NAA20: variants seen among roughly 807,000 people sequenced by gnomAD.
The protein encoded by NAA20 is N-alpha-acetyltransferase 20, NatB catalytic subunit, also known as N-alpha-acetyltransferase 20.
A neutral mutation model predicts 23.8 loss-of-function variants in NAA20; 24 were observed. The observed-to-expected ratio is 1.01, with a 90% CI of 0.73 to 1.42. The LOEUF (loss-of-function observed/expected upper bound fraction) is 1.42. Ranked by LOEUF, NAA20 falls within the 40% of genes most tolerant of loss-of-function variation. The pLI is 0.00. For synonymous variants in NAA20, 83 were observed against 77.7 expected, an observed-to-expected ratio of 1.07 and a Z score of -0.36; for missense variants, 166 against 223.1, an observed-to-expected ratio of 0.74 and a Z score of 1.63.
chr20:20,025,771 A>G lies in NAA20; in HGVS notation c.169+4A>G, dbSNP rs534864101. On this transcript the variant is annotated splice_donor_region_variant and intron_variant, in intron 3 of 5. Transcript: ENST00000334982. ...GGTGGAGAATTAATGGGTTATAGTA[A>G]GTATAATACCACTAGTATTTTGTGG... 52 of 1,554,860 alleles carry G rather than the reference A, an allele frequency of 3.3e-5. No homozygotes were observed. The East Asian group carries it at 8.1e-4, about 24-fold the overall frequency.
In NAA20 at chr20:20,026,680, C is replaced by T. The variant is rs1019124329; in HGVS notation, c.170-104C>T. On this transcript the variant is annotated intron_variant, in intron 3 of 5. Coordinates refer to ENST00000334982, the MANE Select transcript of NAA20 (RefSeq NM_016100.5). ...GACCTCAGGTGGTACTTAAAAACTT[C>T]TTTATTAGTTTCCTTTGTAATAAAA... 1.4e-5 allele frequency: 21 copies of T among 1,456,690 alleles called. No individual in the cohort carries two copies. The Admixed American group carries it at 2.2e-4, about 15-fold the overall frequency. 90.2% of individuals were successfully genotyped at this position (1,456,690 alleles called of 1,614,324 possible).
intron 1 of NAA20, chr20:20,018,034 C>G (rs375983407): frequency 2.5e-6 from 4 of 1,614,082 alleles, no homozygotes; most frequent in Non-Finnish European, 3.4e-6. Flanking sequence ...GATGCTGTCT[C>G]AGTCATGGTT....
intron 4 of NAA20, among the ~76,000 whole-genome samples, chr20:20,029,656 C>T (rs139093091): frequency 2.2e-4 from 34 of 151,288 alleles, no homozygotes; most frequent in African/African-American, 7.5e-4. Flanking sequence ...ATGGTATATA[C>T]CAAGTGACAT....
intron 2 of NAA20, among the ~76,000 whole-genome samples, chr20:20,023,202 G>A (rs1448780118): frequency 2.6e-5 from 4 of 151,862 alleles, no homozygotes; most frequent in Non-Finnish European, 4.4e-5. Flanking sequence ...CAGGAGAATC[G>A]CTTGAACCAG....
chr20:20,017,899 G>A, intron 1 of NAA20: 1 of 1,598,704 alleles, frequency 6.3e-7, no homozygotes, highest in African/African-American at 1.3e-5. Context: ...GGCCGCAGAG[G>A]GGGCTTGCGA....
At chr20:20,022,989 G>T (rs1161370054) in intron 2 of NAA20, among the ~76,000 whole-genome samples, 1 of 152,160 alleles carries the variant, frequency 6.6e-6, no homozygotes, top group African/African-American at 2.4e-5. Context: ...AGAGGGGGAG[G>T]TGAGGGTGTT....
Position 20,032,489 on chromosome 20 carries a change from T to A in NAA20, c.306-19T>A, listed in dbSNP as rs748210665. The A allele has an allele frequency of 5.6e-6, 9 of 1,605,508 alleles. No homozygotes were observed. Among genetic ancestry groups the A allele is most frequent in the Middle Eastern group, 1.7e-4 (1 of 6,022 alleles). On this transcript the variant is annotated intron_variant, in intron 4 of 5. Coordinates refer to ENST00000334982, the MANE Select transcript of NAA20 (RefSeq NM_016100.5). ...TTTCTCACATTCTAACATTTTCCTT[T>A]TTTGTTTTTCTTTTAAAGAAAGGGT...
chr20:20,017,406 C>T lies in NAA20; in HGVS notation c.10C>T (p.Leu4=), dbSNP rs1359197296. 2.5e-6 allele frequency: 4 copies of T among 1,611,804 alleles called. No individual in the cohort carries two copies. In the African/African-American group the frequency reaches 4.0e-5, roughly 16 times the overall value. MTT[L]RAFTCDDLFR... is the part of the protein sequence containing the mutation. ...AAGCGGCGGCGGCGCGATGACCACGCTACGGGCCTTTACCTGCGACGACCT... is the reference window on the plus strand; with the variant it reads ...AAGCGGCGGCGGCGCGATGACCACGTTACGGGCCTTTACCTGCGACGACCT... Residue 4 remains leucine (L), a synonymous_variant, in exon 1 of 6, where the codon CTA becomes TTA. Transcript: ENST00000334982.
At chr20:20,017,725 G>C (rs1413151487) in intron 1 of NAA20, 2 of 1,430,252 alleles carry the variant, frequency 1.4e-6, no homozygotes, top group African/African-American at 2.9e-5. Flanking sequence ...CTGGGGCAGC[G>C]CTCGGGCCTC....
intron 1 of NAA20, 70 bp downstream of exon 1, chr20:20,017,519 C>G: frequency 6.5e-7 from 1 of 1,541,020 alleles, no homozygotes; most frequent in Non-Finnish European, 8.7e-7. Flanking sequence ...CAGCTCCGGC[C>G]CCAGCCGCGC....
Position 20,025,783 on chromosome 20 carries a change from C to T in NAA20, c.169+16C>T. On this transcript the variant is annotated intron_variant, in intron 3 of 5. Coordinates refer to ENST00000334982, the MANE Select transcript of NAA20 (RefSeq NM_016100.5). ...ATGGGTTATAGTAAGTATAATACCA[C>T]TAGTATTTTGTGGAGTAGGTAAAGA... 1 of 1,502,368 alleles carries T rather than the reference C, an allele frequency of 6.7e-7. No individual in the cohort carries two copies. The highest frequency in any genetic ancestry group is 9.3e-7 in the Non-Finnish European group (1 of 1,078,602). The allele number at this position is 1,502,368 out of a possible 1,614,324, so 93.1% of individuals were successfully genotyped here.
chr20:20,026,948 G>A (rs1215059848), intron 4 of NAA20, 29 bp downstream of exon 4: 1 of 1,613,516 alleles, frequency 6.2e-7, no homozygotes, highest in East Asian at 2.2e-5. Context: ...AATACACTTA[G>A]TGATTTGTGG....
At chr20:20,031,424 A>G (rs1347756229) in intron 4 of NAA20, among the ~76,000 whole-genome samples, 1 of 152,214 alleles carries the variant, frequency 6.6e-6, no homozygotes, top group African/African-American at 2.4e-5. Context: ...TCCATACACA[A>G]ATCAACTCCA....
chr20:20,026,165 C>T (rs1469309398), intron 3 of NAA20, among the ~76,000 whole-genome samples: 12 of 152,032 alleles, frequency 7.9e-5, no homozygotes, highest in African/African-American at 1.4e-4. Context: ...ATTAGCTGGG[C>T]GTGGTATCGC....
At chr20:20,029,881 T>TTTTTGTTTTGTTTTGTTTTG (rs144371833) in intron 4 of NAA20, among the ~76,000 whole-genome samples, 1 of 151,836 alleles carries the variant, frequency 6.6e-6, no homozygotes, top group African/African-American at 2.4e-5. Context: ...GTTACATAGT[T>TTTTTGTTTTGTTTTGTTTTG]TTTTGTTTTG....
At chr20:20,017,550 C>T in intron 1 of NAA20, 101 bp downstream of exon 1, 2 of 1,445,522 alleles carry the variant, frequency 1.4e-6, no homozygotes, top group South Asian at 2.8e-5. Flanking sequence ...GGACCCCAAG[C>T]CCGGACGGGG....
intron 2 of NAA20, 106 bp from the exon 3 acceptor site, chr20:20,025,571 G>C: frequency 1.3e-6 from 1 of 771,252 alleles, no homozygotes; most frequent in Non-Finnish European, 2.3e-6. Flanking sequence ...ACAGAGCTGG[G>C]GATAAAGTAA....
In NAA20 at chr20:20,025,759, TG is replaced by T; in HGVS notation, c.164del (p.Gly55ValfsTer11). On this transcript the variant is annotated frameshift_variant, in exon 3 of 6. Coordinates refer to ENST00000334982, the MANE Select transcript of NAA20 (RefSeq NM_016100.5). LOFTEE classifies it high-confidence loss of function. ...IVAEAPGGEL[M>X]GYIMGKAEGS... The stretch of plus-strand genomic sequence containing the variant: ...GCAGAGGCACCTGGTGGAGAATTAA[TG>T]GGTTATAGTAAGTATAATACCACTA... The T allele has an allele frequency of 6.3e-7, 1 of 1,593,410 alleles. No individual in the cohort carries two copies. Among genetic ancestry groups the T allele is most frequent in the Non-Finnish European group, 8.6e-7 (1 of 1,161,174 alleles).
intron 1 of NAA20, 128 bp downstream of exon 1, chr20:20,017,577 C>A: frequency 7.4e-7 from 1 of 1,357,604 alleles, no homozygotes; most frequent in Non-Finnish European, 9.7e-7. Context: ...GAGAACCACC[C>A]CCCGCCGGCC....
Sources: gnomAD v4.1 joint callset for allele counts (sites outside exome capture counted in the v4.1 genomes callset) on GRCh38, gnomAD v4.1.1 for gene constraint, MANE v1.5 for transcripts, NCBI Gene and HGNC (gene_info 2026-07-23, HGNC 2026-07-21) for gene names.